The following JPH3 variants were observed in gnomAD, a reference collection of about 807,000 sequenced individuals.
The protein encoded by JPH3 is junctophilin-3.
A neutral mutation model predicts 59.6 loss-of-function variants in JPH3; 11 were observed. The ratio of observed to expected loss-of-function variants is 0.18; its 90% CI spans 0.12 to 0.31. The LOEUF (loss-of-function observed/expected upper bound fraction) is 0.31, where lower values mean the gene tolerates loss of function less well. JPH3 is among the 10% of genes least tolerant of loss of function. The pLI is 1.00. For missense variants in JPH3, 1,202 were observed against 1,105.7 expected (o/e 1.09, Z -1.24); for synonymous variants, 673 against 483.6 (o/e 1.39, Z -5.14).
Position 87,679,527 on chromosome 16 carries a change from C to G in JPH3, c.1161-4615C>G, listed in dbSNP as rs116279088. Among the ~76,000 whole-genome samples, 1,160 of 152,368 alleles carry G rather than the reference C, an allele frequency of 7.6e-3. 17 individuals are homozygous for G. The highest frequency in any genetic ancestry group is 0.027 in the African/African-American group (1,110 of 41,592). ...AGGGAGAGACTGTTACCTAAGTTTC[C>G]TCCCCTTGAGCTGTTGGAGCTCTTC... On this transcript the variant is annotated intron_variant, in intron 2 of 4. Coordinates refer to ENST00000284262, the MANE Select transcript of JPH3 (RefSeq NM_020655.4).
intron 2 of JPH3, among the ~76,000 whole-genome samples, chr16:87,659,403 A>AAAAAAAAAAAT (rs2032628132): frequency 6.9e-6 from 1 of 145,440 alleles, no homozygotes; most frequent in Non-Finnish European, 1.5e-5. Context: ...AAAAAAGAAA[A>AAAAAAAAAAAT]CTACACACAC....
intron 1 of JPH3, among the ~76,000 whole-genome samples, chr16:87,607,037 G>C (rs1449491324): frequency 6.6e-6 from 1 of 152,154 alleles, no homozygotes; most frequent in African/African-American, 2.4e-5. Context: ...GCCTTTGCTA[G>C]GTACGTCGCT....
In JPH3 at chr16:87,673,719, A is replaced by G. The variant is rs138894810; in HGVS notation, c.1161-10423A>G. Reference sequence around the variant, plus strand: ...GGCGAGAGGATCACCTGAGGTCAGGAGTTCGAGACCAGCCTGACCAACATG... The same window carrying G: ...GGCGAGAGGATCACCTGAGGTCAGGGGTTCGAGACCAGCCTGACCAACATG... On this transcript the variant is annotated intron_variant, in intron 2 of 4. Coordinates refer to ENST00000284262, the MANE Select transcript of JPH3 (RefSeq NM_020655.4). Among the ~76,000 whole-genome samples the G allele has an allele frequency of 4.6e-3, 707 of 152,256 alleles. 4 individuals carry two copies. Among genetic ancestry groups the G allele is most frequent in the African/African-American group, 0.016 (661 of 41,542 alleles).
At chr16:87,656,894 C>G (rs1047401105) in intron 2 of JPH3, among the ~76,000 whole-genome samples, 1 of 152,198 alleles carries the variant, frequency 6.6e-6, no homozygotes, top group Non-Finnish European at 1.5e-5. Context: ...GATCACTCCT[C>G]GGGCTCCTTC....
chr16:87,623,069 C>T (rs941951189), intron 1 of JPH3, among the ~76,000 whole-genome samples: 8 of 152,180 alleles, frequency 5.3e-5, no homozygotes. Flanking sequence ...GCCAGCCCCA[C>T]AGATTCTGAG....
chr16:87,656,170 C>G (rs1192605410), intron 2 of JPH3, among the ~76,000 whole-genome samples: 1 of 152,234 alleles, frequency 6.6e-6, no homozygotes, highest in African/African-American at 2.4e-5. Flanking sequence ...CCGCCTATCT[C>G]AGAGCACACT....
chr16:87,637,311 C>T (rs1567592227), intron 1 of JPH3, among the ~76,000 whole-genome samples: 1 of 152,054 alleles, frequency 6.6e-6, no homozygotes, highest in African/African-American at 2.4e-5. Context: ...ACCCCAAAAC[C>T]CCAGCCCTGT....
rs1420179249 is a variant in JPH3, at chr16:87,620,462, GAGGGAGAGAAGGAGAGA to G, written c.382+16937_382+16953del. On this transcript the variant is annotated intron_variant, in intron 1 of 4. Coordinates refer to ENST00000284262, the MANE Select transcript of JPH3 (RefSeq NM_020655.4). ...AGGGAGAGAGAGAGAGAAGGAGAGA[GAGGGAGAGAAGGAGAGA>G]AGAGAGGGAGAGGGGGAGGGGAAGA... 1.5e-4 allele frequency among the ~76,000 whole-genome samples: 21 copies of G among 140,834 alleles called. No homozygotes were observed. The East Asian group carries it at 1.8e-3, about 12-fold the overall frequency. 92.4% of individuals were successfully genotyped at this position (140,834 alleles called of 152,430 possible).
At chr16:87,682,635 A>G (rs541944045) in intron 2 of JPH3, among the ~76,000 whole-genome samples, 1 of 152,314 alleles carries the variant, frequency 6.6e-6, no homozygotes, top group Admixed American at 6.5e-5. Context: ...CAGCCTCCGG[A>G]ACTGGGGGAA....
intron 1 of JPH3, among the ~76,000 whole-genome samples, chr16:87,616,830 C>A (rs1008856358): frequency 6.6e-6 from 1 of 152,208 alleles, no homozygotes; most frequent in African/African-American, 2.4e-5. Context: ...TCGTCGTTTC[C>A]AAAATGCTCT....
chr16:87,652,669 G>C (rs948811701), intron 2 of JPH3, among the ~76,000 whole-genome samples: 1 of 152,230 alleles, frequency 6.6e-6, no homozygotes, highest in Non-Finnish European at 1.5e-5. Context: ...TGGAGGCCAG[G>C]CAGGTGCGGA....
chr16:87,663,898 TGGTTTTGACTGTGC>T (rs1201618467), intron 2 of JPH3, among the ~76,000 whole-genome samples: 6 of 152,104 alleles, frequency 3.9e-5, no homozygotes, highest in African/African-American at 1.4e-4. Flanking sequence ...ACAAGCCCTG[TGGTTTTGACTGTGC>T]GGTTTTGCAT....
At chr16:87,623,988 C>T (rs555235243) in intron 1 of JPH3, among the ~76,000 whole-genome samples, 53 of 152,324 alleles carry the variant, frequency 3.5e-4, no homozygotes, top group African/African-American at 1.2e-3. Flanking sequence ...CTAGGTGTGT[C>T]CCTGTCAGCT....
chr16:87,641,090 C>T (rs1331563592), intron 1 of JPH3, among the ~76,000 whole-genome samples: 2 of 152,236 alleles, frequency 1.3e-5, no homozygotes, highest in Non-Finnish European at 2.9e-5. Context: ...AGTCAGCTGC[C>T]CCCTCTGCCT....
rs925304462 is a variant in JPH3 at position 87,694,911 on chromosome 16, G to A, written c.2167-1669G>A. On this transcript the variant is annotated intron_variant, in intron 4 of 4. Coordinates refer to ENST00000284262, the MANE Select transcript of JPH3 (RefSeq NM_020655.4). ...CCTGCGCTTTCTCTGTGGCAGCCGC[G>A]GTTGCACGGCCCATGTCTTCCCCGC... The A allele has an allele frequency of 4.6e-5, 10 of 217,982 alleles. No individual in the cohort carries two copies. The East Asian group carries it at 9.8e-4, about 21-fold the overall frequency. The allele number at this position is 217,982 out of a possible 1,614,324, so 13.5% of individuals were successfully genotyped here.
rs1261520006 is a variant in JPH3, at chr16:87,602,578, T to TTGC, written c.-556_-554dup. On this transcript the variant is annotated 5_prime_UTR_variant, in exon 1 of 5. Transcript: ENST00000284262. The stretch of plus-strand genomic sequence containing the variant: ...CGCCGCCGCCGCCCGAGCCGCCGCA[T>TTGC]TGCTGCTGCTGCTGCCGCCGCCGCC... Among the ~76,000 whole-genome samples the TTGC allele has an allele frequency of 1.8e-3, 240 of 135,584 alleles. 1 individual carries two copies. Among genetic ancestry groups the TTGC allele is most frequent in the African/African-American group, 5.1e-3 (191 of 37,770 alleles). The allele number at this position is 135,584 out of a possible 152,430, so 88.9% of individuals were successfully genotyped here. A position where few individuals can be genotyped will look rare whatever the true frequency, so the allele number is the denominator to read the frequency against.
Position 87,603,070 on chromosome 16 carries a change from C to T in JPH3, c.-77C>T. On this transcript the variant is annotated 5_prime_UTR_variant, in exon 1 of 5. Coordinates refer to ENST00000284262, the MANE Select transcript of JPH3 (RefSeq NM_020655.4). Reference sequence around the variant, plus strand: ...GAAAACGCTCGCGACCCAGGGCCGCCGGCGGCCGCGACTCTGCTGTGTCGA... The same window carrying T: ...GAAAACGCTCGCGACCCAGGGCCGCTGGCGGCCGCGACTCTGCTGTGTCGA... 1.3e-6 allele frequency: 2 copies of T among 1,577,436 alleles called. No individual in the cohort carries two copies. Among genetic ancestry groups the T allele is most frequent in the South Asian group, 2.3e-5 (2 of 87,564 alleles).
chr16:87,653,642 T>C (rs1252902106), intron 2 of JPH3: 11 of 152,178 alleles, frequency 7.2e-5, no homozygotes, highest in Admixed American at 7.2e-4. Flanking sequence ...TCAGGGGTTA[T>C]GTATATGAAG....
chr16:87,624,176 C>T (rs540807553), intron 1 of JPH3, among the ~76,000 whole-genome samples: 1 of 152,344 alleles, frequency 6.6e-6, no homozygotes, highest in South Asian at 2.1e-4. Flanking sequence ...ATATGTTTCA[C>T]ACACCGTACA....
Sources: allele counts gnomAD v4.1 joint callset (sites outside exome capture counted in the v4.1 genomes callset), GRCh38; gene constraint gnomAD v4.1.1; transcripts MANE v1.5; gene names NCBI Gene and HGNC (gene_info 2026-07-23, HGNC 2026-07-21).